The following CEP83 variants were observed in gnomAD, a reference collection of about 807,000 sequenced individuals.
The protein encoded by CEP83 is centrosomal protein 83, also known as centrosomal protein of 83 kDa.
Under a neutral mutation model 101.9 loss-of-function variants are expected in CEP83, and 70 were observed. The observed-to-expected ratio is 0.69, with a 90% CI of 0.57 to 0.84. CEP83 has a LOEUF of 0.84. CEP83 is among the 40% of genes least tolerant of loss of function. The probability of loss-of-function intolerance (pLI) is 0.00; values close to 1 mark genes in which losing one functional copy is unlikely to be tolerated. For missense variants in CEP83, 715 were observed against 787.2 expected, an observed-to-expected ratio of 0.91 and a Z score of 1.10; for synonymous variants, 264 against 267.9, an observed-to-expected ratio of 0.99 and a Z score of 0.14.
intron 11 of CEP83, among the ~76,000 whole-genome samples, chr12:94,352,598 C>T (rs937208433): frequency 9.2e-5 from 14 of 151,562 alleles, no homozygotes; most frequent in Non-Finnish European, 8.8e-5. Context: ...GAAAATTCAA[C>T]GAAATCAGGA....
the CEP83 span, among the ~76,000 whole-genome samples, chr12:94,274,388 C>T: frequency 1.3e-5 from 2 of 152,096 alleles, no homozygotes; most frequent in African/African-American, 4.8e-5. Flanking sequence ...AGCTGGGTTA[C>T]ATGACCAGTC....
the CEP83 span, among the ~76,000 whole-genome samples, chr12:94,294,071 A>T: frequency 6.6e-6 from 1 of 152,214 alleles, no homozygotes; most frequent in Non-Finnish European, 1.5e-5. Context: ...CATTCAGTCC[A>T]TAGCAAGTAA....
At chr12:94,324,407 A>C (rs939289904) in intron 14 of CEP83, among the ~76,000 whole-genome samples, 1 of 152,234 alleles carries the variant, frequency 6.6e-6, no homozygotes, top group African/African-American at 2.4e-5. Context: ...ATTAATTAGC[A>C]TAATAGTTTT....
intron 2 of CEP83, among the ~76,000 whole-genome samples, chr12:94,415,219 T>TA (rs1195069981): frequency 6.6e-6 from 1 of 151,976 alleles, no homozygotes; most frequent in Non-Finnish European, 1.5e-5. Context: ...AATTTTTGTA[T>TA]AAAAAAACTT....
intron 2 of CEP83, among the ~76,000 whole-genome samples, chr12:94,431,425 G>A (rs1293763427): frequency 6.6e-6 from 1 of 151,810 alleles, no homozygotes; most frequent in East Asian, 1.9e-4. Flanking sequence ...CAGAAAACAA[G>A]AACAAAAATA....
chr12:94,424,175 G>A, intron 2 of CEP83: 2 of 1,604,870 alleles, frequency 1.2e-6, no homozygotes, highest in South Asian at 1.1e-5. Flanking sequence ...GATGTTATAA[G>A]GGGCTGGGTA....
chr12:94,387,130 A>G (rs1445313289), intron 6 of CEP83, among the ~76,000 whole-genome samples: 3 of 152,196 alleles, frequency 2.0e-5, no homozygotes, highest in Admixed American at 6.5e-5. Context: ...AGGAAATACC[A>G]TTCTGGACAT....
At chr12:94,455,827 T>C (rs2067626922) in intron 1 of CEP83, among the ~76,000 whole-genome samples, 1 of 152,048 alleles carries the variant, frequency 6.6e-6, no homozygotes, top group African/African-American at 2.4e-5. Flanking sequence ...GGTGAATCAC[T>C]TGAGGCCAGG....
chr12:94,336,285 G>C (rs972935219), intron 11 of CEP83, among the ~76,000 whole-genome samples: 1 of 152,166 alleles, frequency 6.6e-6, no homozygotes, highest in Admixed American at 6.5e-5. Context: ...AAAAAGCAGA[G>C]CAGCTCTAGT....
chr12:94,368,297 T>C (rs1449139369), intron 9 of CEP83, 96 bp from the exon 10 acceptor site: 1 of 848,206 alleles, frequency 1.2e-6, no homozygotes, highest in African/African-American at 1.7e-5. Context: ...GTAAGACAAA[T>C]GAATGTAGAA....
At chr12:94,282,239 GAAAGT>G in the CEP83 span, 8 of 1,172,840 alleles carry the variant, frequency 6.8e-6, no homozygotes, top group South Asian at 8.9e-5. Context: ...ATAAATTTGT[GAAAGT>G]AAAGTGGTGG....
intron 4 of CEP83, among the ~76,000 whole-genome samples, chr12:94,406,252 G>A (rs1314061650): frequency 6.6e-6 from 1 of 152,022 alleles, no homozygotes; most frequent in African/African-American, 2.4e-5. Flanking sequence ...AAAATATTGG[G>A]AGGTGGAGAT....
At chr12:94,427,982 T>A (rs2065337605) in intron 2 of CEP83, among the ~76,000 whole-genome samples, 2 of 152,178 alleles carry the variant, frequency 1.3e-5, no homozygotes, top group African/African-American at 4.8e-5. Flanking sequence ...TGCCAGGCTC[T>A]GTAATTGTGA....
At chr12:94,454,774 C>T (rs536100543) in intron 1 of CEP83, among the ~76,000 whole-genome samples, 100 of 152,164 alleles carry the variant, frequency 6.6e-4, no homozygotes, top group African/African-American at 2.1e-3. Context: ...ACGAACCCAC[C>T]GGGAGGAATG....
At chr12:94,406,167 C>A (rs963107075) in intron 4 of CEP83, among the ~76,000 whole-genome samples, 3 of 151,914 alleles carry the variant, frequency 2.0e-5, no homozygotes, top group Non-Finnish European at 4.4e-5. Flanking sequence ...AAAGCAAGAC[C>A]CAGAAAGATA....
chr12:94,310,157 G>T, intron 15 of CEP83, 50 bp from the exon 16 acceptor site: 2 of 837,550 alleles, frequency 2.4e-6, no homozygotes, highest in East Asian at 2.6e-5. Flanking sequence ...CCCTATTGAA[G>T]CACAGTATGA....
intron 14 of CEP83, among the ~76,000 whole-genome samples, chr12:94,321,248 T>C (rs2058732574): frequency 6.6e-6 from 1 of 152,232 alleles, no homozygotes; most frequent in South Asian, 2.1e-4. Context: ...ATACTGGCTA[T>C]TTCATCTGTC....
At chr12:94,441,869 C>T (rs1028207056) in intron 1 of CEP83, among the ~76,000 whole-genome samples, 6 of 145,832 alleles carry the variant, frequency 4.1e-5, no homozygotes, top group Admixed American at 2.8e-4. Context: ...GAGCCGAGAT[C>T]GCACCACTGC....
chr12:94,309,946 A>C lies in CEP83; in HGVS notation c.1973T>G (p.Met658Arg), dbSNP rs756780682. 8 of 1,607,446 alleles carry C rather than the reference A, an allele frequency of 5.0e-6. No homozygotes were observed. Among genetic ancestry groups the C allele is most frequent in the South Asian group, 1.1e-5 (1 of 90,282 alleles). ...CATATGAGGAGGAAATGGTAGTTCC[A>C]TGCTTGGAACCATGGCTGATGACTG... Reference protein sequence around the residue: ...SFQSSAMVPSMELPFPPHMQE... With the variant: ...SFQSSAMVPSRELPFPPHMQE... Residue 658 changes from methionine to arginine, a missense_variant, in exon 16 of 17, where the codon ATG (methionine) becomes AGG (arginine). Physicochemically the swap from Met to Arg is moderately conservative, Grantham distance 91. Coordinates refer to ENST00000397809, the MANE Select transcript of CEP83 (RefSeq NM_016122.3).
Sources: gnomAD v4.1 joint callset for allele counts (sites outside exome capture counted in the v4.1 genomes callset) on GRCh38, gnomAD v4.1.1 for gene constraint, MANE v1.5 for transcripts, NCBI Gene and HGNC (gene_info 2026-07-23, HGNC 2026-07-21) for gene names.